The following SNTG2 variants were observed in gnomAD, a reference collection of about 807,000 sequenced individuals.
SNTG2 encodes the protein gamma-2-syntrophin.
Under a neutral mutation model 70.9 loss-of-function variants are expected in SNTG2, and 74 were observed. The observed-to-expected ratio is 1.04, with a 90% confidence interval of 0.86 to 1.27. The LOEUF (loss-of-function observed/expected upper bound fraction) is 1.27, where lower values mean the gene tolerates loss of function less well. Ranked by LOEUF, SNTG2 falls within the 50% of genes most tolerant of loss-of-function variation. SNTG2 has a pLI of 0.00. For missense variants in SNTG2, 717 were observed against 690.7 expected (o/e 1.04, Z -0.43); for synonymous variants, 278 against 273.8 (o/e 1.02, Z -0.15).
chr2:1,060,256 A>C (rs528705544), intron 1 of SNTG2, among the ~76,000 whole-genome samples: 8 of 152,258 alleles, frequency 5.3e-5, no homozygotes, highest in Non-Finnish European at 1.2e-4. Context: ...GAGGAAACCA[A>C]AGGTTCACTT....
chr2:1,169,691 A>G (rs1425260334), intron 7 of SNTG2, among the ~76,000 whole-genome samples: 2 of 152,032 alleles, frequency 1.3e-5, no homozygotes, highest in Non-Finnish European at 2.9e-5. Context: ...TCACATAGTG[A>G]CTTCAATGAG....
intron 4 of SNTG2, among the ~76,000 whole-genome samples, chr2:1,128,904 CA>C (rs1667862032): frequency 6.6e-6 from 1 of 152,016 alleles, no homozygotes; most frequent in South Asian, 2.1e-4. Flanking sequence ...ATGAAATCTG[CA>C]TTTTTGACTT....
intron 6 of SNTG2, among the ~76,000 whole-genome samples, chr2:1,156,436 A>C (rs567112454): frequency 2.4e-4 from 37 of 152,306 alleles, no homozygotes; most frequent in African/African-American, 8.7e-4. Context: ...TGGAGGCTTC[A>C]GTGAAGAGAA....
intron 12 of SNTG2, among the ~76,000 whole-genome samples, chr2:1,249,861 G>A (rs1020633957): frequency 2.0e-5 from 3 of 151,988 alleles, no homozygotes; most frequent in Middle Eastern, 3.2e-3. Flanking sequence ...CTTCCCTCAG[G>A]GCCCTGAGGT....
At chr2:1,018,012 T>A (rs1659964405) in intron 1 of SNTG2, among the ~76,000 whole-genome samples, 2 of 152,184 alleles carry the variant, frequency 1.3e-5, no homozygotes. Flanking sequence ...CTCCAGGCCC[T>A]TTCAGAATTT....
chr2:1,357,855 T>A (rs561353284), intron 16 of SNTG2, among the ~76,000 whole-genome samples: 54 of 152,272 alleles, frequency 3.5e-4, no homozygotes, highest in Admixed American at 3.3e-3. Context: ...GCATCATTTA[T>A]GTCTTCTCTC....
intron 8 of SNTG2, among the ~76,000 whole-genome samples, chr2:1,192,309 C>T (rs1274080224): frequency 6.6e-6 from 1 of 152,152 alleles, no homozygotes; most frequent in African/African-American, 2.4e-5. Context: ...TGCTCTGCAG[C>T]GGGTGCCAAG....
chr2:1,342,315 T>C (rs1210831059), intron 16 of SNTG2, among the ~76,000 whole-genome samples: 1 of 114,194 alleles, frequency 8.8e-6, no homozygotes, highest in African/African-American at 3.8e-5. Flanking sequence ...ACTGGGACTT[T>C]TAATTTGGGA....
rs1464613976 is a variant in SNTG2 at position 1,178,420 on chromosome 2, TA to T, written c.591+5238del. Among the ~76,000 whole-genome samples the T allele has an allele frequency of 2.0e-5, 3 of 152,284 alleles. No homozygotes were observed. In the East Asian group the frequency reaches 5.8e-4, roughly 29 times the overall value. On this transcript the variant is annotated intron_variant, in intron 8 of 16. Coordinates refer to ENST00000308624, the MANE Select transcript of SNTG2 (RefSeq NM_018968.4). ...ATGCTTCCAGTTTTTGCCCATTCAG[TA>T]TGATATTGGCTGTGGGTTTGTCATA...
intron 4 of SNTG2, among the ~76,000 whole-genome samples, chr2:1,127,580 C>T (rs942492934): frequency 1.9e-4 from 29 of 152,056 alleles, no homozygotes; most frequent in African/African-American, 7.0e-4. Flanking sequence ...TTTTTCCAGT[C>T]TGTGAACACG....
chr2:964,311 A>G (rs1326325268), intron 1 of SNTG2, among the ~76,000 whole-genome samples: 1 of 152,192 alleles, frequency 6.6e-6, no homozygotes, highest in Non-Finnish European at 1.5e-5. Context: ...TTCTAAGGAC[A>G]TGAGGGAGCC....
At chr2:1,322,062 T>C (rs921566129) in intron 16 of SNTG2, among the ~76,000 whole-genome samples, 16 of 152,222 alleles carry the variant, frequency 1.1e-4, no homozygotes, top group African/African-American at 3.9e-4. Flanking sequence ...TTTTAGGATG[T>C]TTGAACACAA....
At chr2:1,119,018 A>G (rs2148282498) in intron 4 of SNTG2, among the ~76,000 whole-genome samples, 1 of 152,314 alleles carries the variant, frequency 6.6e-6, no homozygotes, top group South Asian at 2.1e-4. Context: ...GGATAATTTT[A>G]AATGAAGCAA....
intron 1 of SNTG2, among the ~76,000 whole-genome samples, chr2:961,408 C>A (rs1055094820): frequency 6.6e-6 from 1 of 152,050 alleles, no homozygotes; most frequent in African/African-American, 2.4e-5. Flanking sequence ...CCACTGTGCC[C>A]GTGGAGATGA....
intron 9 of SNTG2, among the ~76,000 whole-genome samples, chr2:1,209,946 A>G (rs1008036735): frequency 6.6e-6 from 1 of 151,932 alleles, no homozygotes; most frequent in Admixed American, 6.6e-5. Context: ...GTGTGTGGCT[A>G]TAGTGTGTGT....
At chr2:989,951 TGGTCCAGGACAG>T (rs1455972731) in intron 1 of SNTG2, among the ~76,000 whole-genome samples, 2 of 152,248 alleles carry the variant, frequency 1.3e-5, no homozygotes, top group East Asian at 1.9e-4. Context: ...CCCTGCTGCA[TGGTCCAGGACAG>T]GGGTGGCATC....
intron 9 of SNTG2, among the ~76,000 whole-genome samples, chr2:1,216,760 A>G (rs1205799401): frequency 6.6e-6 from 1 of 152,150 alleles, no homozygotes; most frequent in Non-Finnish European, 1.5e-5. Context: ...TCTCCACCCA[A>G]ATATCATCTT....
intron 12 of SNTG2, among the ~76,000 whole-genome samples, chr2:1,255,342 G>A (rs944382028): frequency 3.9e-5 from 6 of 152,060 alleles, no homozygotes; most frequent in South Asian, 2.1e-4. Context: ...AGACCACCAC[G>A]TCAGACTCCC....
intron 9 of SNTG2, among the ~76,000 whole-genome samples, chr2:1,228,541 T>TA (rs1235874196): frequency 6.6e-6 from 1 of 152,190 alleles, no homozygotes; most frequent in Non-Finnish European, 1.5e-5. Flanking sequence ...TCACGTTACT[T>TA]AGAAATTACT....
Sources: allele counts gnomAD v4.1 joint callset (sites outside exome capture counted in the v4.1 genomes callset), GRCh38; gene constraint gnomAD v4.1.1; transcripts MANE v1.5; gene names NCBI Gene and HGNC (gene_info 2026-07-23, HGNC 2026-07-21).